Variants in KCNIP4 observed in about 807,000 individuals in gnomAD.
KCNIP4 encodes Kv channel-interacting protein 4.
Under a neutral mutation model 34.0 loss-of-function variants are expected in KCNIP4, and 12 were observed. The ratio of observed to expected loss-of-function variants is 0.35; its 90% CI spans 0.23 to 0.57. The LOEUF (loss-of-function observed/expected upper bound fraction) is 0.57, where lower values mean the gene tolerates loss of function less well. Among genes scored for constraint, KCNIP4 ranks in the 20% least tolerant of loss-of-function variants. The pLI is 0.83. For synonymous variants in KCNIP4, 124 were observed against 102.2 expected (o/e 1.21, Z -1.29); for missense variants, 238 against 311.7 (o/e 0.76, Z 1.78).
chr4:21,529,222 G>A (rs1296324469), intron 1 of KCNIP4, among the ~76,000 whole-genome samples: 1 of 152,098 alleles, frequency 6.6e-6, no homozygotes, highest in Non-Finnish European at 1.5e-5. Flanking sequence ...ATAGACAAAT[G>A]GATTAAGTTC....
intron 1 of KCNIP4, among the ~76,000 whole-genome samples, chr4:21,377,384 T>C (rs1721052437): frequency 6.6e-6 from 1 of 152,206 alleles, no homozygotes; most frequent in Admixed American, 6.5e-5. Context: ...GACAAATAAA[T>C]GGTGATAGAA....
intron 1 of KCNIP4, among the ~76,000 whole-genome samples, chr4:21,611,844 T>C (rs1744185520): frequency 6.6e-6 from 1 of 152,124 alleles, no homozygotes; most frequent in Non-Finnish European, 1.5e-5. Flanking sequence ...GACGGAAAGG[T>C]ACAAGACCAA....
At chr4:21,650,721 G>A (rs879611804) in intron 1 of KCNIP4, among the ~76,000 whole-genome samples, 55 of 152,048 alleles carry the variant, frequency 3.6e-4, no homozygotes, top group African/African-American at 1.3e-3. Context: ...CAGTTTCTGC[G>A]CATCACAACT....
intron 1 of KCNIP4, among the ~76,000 whole-genome samples, chr4:21,436,675 T>G (rs1162428330): frequency 3.9e-5 from 6 of 152,196 alleles, no homozygotes; most frequent in African/African-American, 1.4e-4. Flanking sequence ...CTATACCTCA[T>G]GTCCATTCCT....
chr4:21,523,122 C>T (rs191822584), intron 1 of KCNIP4, among the ~76,000 whole-genome samples: 1 of 152,182 alleles, frequency 6.6e-6, no homozygotes, highest in East Asian at 1.9e-4. Context: ...AAGATTGGTC[C>T]TCATTGGACA....
intron 1 of KCNIP4, among the ~76,000 whole-genome samples, chr4:21,800,205 G>C (rs142427143): frequency 1.3e-5 from 2 of 152,174 alleles, no homozygotes; most frequent in African/African-American, 4.8e-5. Flanking sequence ...TTTAAATCAA[G>C]TTGGTACTAC....
chr4:21,501,968 TTCTC>T (rs149680713), intron 1 of KCNIP4, among the ~76,000 whole-genome samples: 57 of 144,998 alleles, frequency 3.9e-4, no homozygotes, highest in African/African-American at 1.2e-3. Context: ...AGGGAGAATT[TTCTC>T]TCTCTCTCTC....
intron 1 of KCNIP4, among the ~76,000 whole-genome samples, chr4:21,017,831 C>G (rs1269295969): frequency 1.3e-5 from 2 of 152,108 alleles, no homozygotes; most frequent in South Asian, 2.1e-4. Context: ...GTTCCTGTTT[C>G]TCCACAGTCT....
intron 1 of KCNIP4, among the ~76,000 whole-genome samples, chr4:21,323,164 G>A (rs10050117): frequency 0.32 from 10,189 of 31,596 alleles, 927 homozygotes; most frequent in African/African-American, 0.53. Flanking sequence ...ATATATATAT[G>A]TATATATATA....
At chr4:20,846,777 T>G (rs1265146127) in intron 3 of KCNIP4, among the ~76,000 whole-genome samples, 1 of 152,194 alleles carries the variant, frequency 6.6e-6, no homozygotes, top group Non-Finnish European at 1.5e-5. Context: ...TTTCTTTTTG[T>G]GCTAGAAGCA....
At chr4:21,720,554 T>C (rs1323143714) in intron 1 of KCNIP4, among the ~76,000 whole-genome samples, 1 of 150,484 alleles carries the variant, frequency 6.6e-6, no homozygotes, top group East Asian at 1.9e-4. Context: ...CATTGTACTT[T>C]AATTTCTAGG....
intron 1 of KCNIP4, among the ~76,000 whole-genome samples, chr4:21,758,064 T>C (rs1717784554): frequency 6.6e-6 from 1 of 152,174 alleles, no homozygotes; most frequent in Non-Finnish European, 1.5e-5. Flanking sequence ...AGAAAATGCA[T>C]ACTTACTGCA....
intron 1 of KCNIP4, among the ~76,000 whole-genome samples, chr4:21,726,517 C>T (rs1246280296): frequency 6.6e-6 from 1 of 152,076 alleles, no homozygotes; most frequent in East Asian, 1.9e-4. Context: ...AAATTCGAAA[C>T]CTAGGAATGT....
intron 3 of KCNIP4, among the ~76,000 whole-genome samples, chr4:20,822,324 C>T (rs1377109617): frequency 1.3e-5 from 2 of 152,116 alleles, no homozygotes; most frequent in East Asian, 3.9e-4. Flanking sequence ...GAAACATATT[C>T]AACATCACTA....
intron 1 of KCNIP4, among the ~76,000 whole-genome samples, chr4:21,207,079 C>T (rs1370565694): frequency 1.3e-5 from 2 of 152,128 alleles, no homozygotes; most frequent in African/African-American, 4.8e-5. Context: ...ATTAGACACC[C>T]CCCTGGTTAG....
chr4:21,777,134 C>T (rs13109024), intron 1 of KCNIP4, among the ~76,000 whole-genome samples: 2 of 152,186 alleles, frequency 1.3e-5, no homozygotes, highest in Non-Finnish European at 2.9e-5. Context: ...CTCTCTCCTG[C>T]TGCCTTGTGA....
intron 1 of KCNIP4, among the ~76,000 whole-genome samples, chr4:21,491,568 T>C (rs1314414753): frequency 6.6e-6 from 1 of 152,098 alleles, no homozygotes; most frequent in Non-Finnish European, 1.5e-5. Context: ...TAAAGAGGTC[T>C]GGCTATGTTG....
At chr4:20,996,380 C>A (rs1048412756) in intron 1 of KCNIP4, among the ~76,000 whole-genome samples, 1 of 152,204 alleles carries the variant, frequency 6.6e-6, no homozygotes, top group African/African-American at 2.4e-5. Flanking sequence ...TCAAACTTCT[C>A]GCTGTGTTTT....
intron 1 of KCNIP4, among the ~76,000 whole-genome samples, chr4:21,868,868 G>A (rs1725587761): frequency 1.3e-5 from 2 of 152,148 alleles, no homozygotes; most frequent in African/African-American, 2.4e-5. Flanking sequence ...ATCTTTCTTT[G>A]ACCACATATT....
Sources: gnomAD v4.1 joint callset for allele counts (sites outside exome capture counted in the v4.1 genomes callset) on GRCh38, gnomAD v4.1.1 for gene constraint, MANE v1.5 for transcripts, NCBI Gene and HGNC (gene_info 2026-07-23, HGNC 2026-07-21) for gene names.